Variants in TENM2 observed in about 807,000 individuals in gnomAD.
The protein encoded by TENM2 is teneurin transmembrane protein 2.
Under a neutral mutation model 245.2 loss-of-function variants are expected in TENM2, and 52 were observed. That is an observed-to-expected ratio of 0.21 (90% CI 0.17 to 0.27). The LOEUF (loss-of-function observed/expected upper bound fraction) is 0.27. Among genes scored for constraint, TENM2 ranks in the 10% least tolerant of loss-of-function variants. TENM2 has a pLI of 1.00. For synonymous variants in TENM2, 1,363 were observed against 1,438.9 expected, an observed-to-expected ratio of 0.95 and a Z score of 1.19; for missense variants, 3,046 against 3,666.8, an observed-to-expected ratio of 0.83 and a Z score of 4.37.
chr5:167,647,492 G>A (rs573297324), intron 2 of TENM2, among the ~76,000 whole-genome samples: 16 of 152,090 alleles, frequency 1.1e-4, no homozygotes, highest in Admixed American at 3.9e-4. Flanking sequence ...GCGTGGTGGT[G>A]AGTGCCTGTA....
chr5:167,317,318 A>G (rs1337844380), intron 1 of TENM2, among the ~76,000 whole-genome samples: 2 of 151,452 alleles, frequency 1.3e-5, no homozygotes, highest in African/African-American at 4.9e-5. Flanking sequence ...TCCTTTCTCA[A>G]TTCTAAGTCA....
chr5:167,971,354 A>G (rs921164426), intron 4 of TENM2, among the ~76,000 whole-genome samples: 10 of 89,072 alleles, frequency 1.1e-4, no homozygotes, highest in African/African-American at 5.4e-4. Context: ...TCTGACCACT[A>G]CATTAGAAAA....
intron 2 of TENM2, among the ~76,000 whole-genome samples, chr5:167,836,909 G>A (rs1215073982): frequency 6.6e-6 from 1 of 152,102 alleles, no homozygotes; most frequent in Admixed American, 6.5e-5. Context: ...TCTGAGAGGA[G>A]GCACTGGAAA....
rs560160092 is a variant in TENM2, at chr5:168,013,683, G to A, written c.1186+20501G>A. ...AAATAGATGCAACAGCTACTTCTGG[G>A]AAATCTCTCTTACATACTTGTCCAG... On this transcript the variant is annotated intron_variant, in intron 5 of 28. Coordinates refer to ENST00000518659, the Ensembl canonical transcript of TENM2. Among the ~76,000 whole-genome samples, 13 of 152,330 alleles carry A rather than the reference G, an allele frequency of 8.5e-5. No individual in the cohort carries two copies. In the South Asian group the frequency reaches 2.3e-3, roughly 27 times the overall value.
At chr5:167,389,813 C>T (rs2127358997) in intron 2 of TENM2, among the ~76,000 whole-genome samples, 1 of 152,260 alleles carries the variant, frequency 6.6e-6, no homozygotes, top group Middle Eastern at 3.4e-3. Context: ...TGGGAATGAT[C>T]ATTAATATTT....
intron 9 of TENM2, among the ~76,000 whole-genome samples, chr5:168,116,618 G>A: frequency 6.6e-6 from 1 of 152,156 alleles, no homozygotes; most frequent in East Asian, 1.9e-4. Context: ...AGCCACCATT[G>A]ATAAACGTAG....
intron 12 of TENM2, among the ~76,000 whole-genome samples, chr5:168,142,073 A>T (rs1755599113): frequency 1.3e-5 from 2 of 152,234 alleles, no homozygotes; most frequent in African/African-American, 4.8e-5. Flanking sequence ...TGGTTTACGG[A>T]CATCCCAGAG....
chr5:168,251,561 G>A (rs893058984), intron 27 of TENM2, among the ~76,000 whole-genome samples: 1 of 152,166 alleles, frequency 6.6e-6, no homozygotes, highest in Admixed American at 6.5e-5. Context: ...CCTGGGAGTG[G>A]GGATCCAAGT....
At chr5:167,280,876 T>C (rs138150335), upstream of TENM2, among the ~76,000 whole-genome samples, 1 of 152,064 alleles carries the variant, frequency 6.6e-6, no homozygotes, top group Non-Finnish European at 1.5e-5. Flanking sequence ...ACCACTGTTG[T>C]TCCTTGGGTC....
intron 1 of TENM2, among the ~76,000 whole-genome samples, chr5:167,295,145 G>A (rs1003613099): frequency 2.6e-5 from 4 of 152,178 alleles, no homozygotes; most frequent in Admixed American, 2.6e-4. Flanking sequence ...GCTCTTTTTA[G>A]TGGCTTGTTT....
chr5:168,179,505 C>G (rs1759665602), intron 13 of TENM2, among the ~76,000 whole-genome samples: 2 of 152,296 alleles, frequency 1.3e-5, no homozygotes, highest in South Asian at 4.2e-4. Flanking sequence ...CATAAATCAC[C>G]CTGTACTAGG....
chr5:167,916,645 G>A (rs910706038), intron 3 of TENM2, among the ~76,000 whole-genome samples: 1 of 152,122 alleles, frequency 6.6e-6, no homozygotes, highest in African/African-American at 2.4e-5. Context: ...CGCATCTCCA[G>A]GAGTAGAGTT....
intron 2 of TENM2, among the ~76,000 whole-genome samples, chr5:167,660,720 G>T (rs926534585): frequency 6.6e-6 from 1 of 151,884 alleles, no homozygotes; most frequent in Admixed American, 6.6e-5. Flanking sequence ...TGTATTTCTG[G>T]AAATGCATGT....
At chr5:167,235,886 T>C in the TENM2 span, among the ~76,000 whole-genome samples, 1 of 152,198 alleles carries the variant, frequency 6.6e-6, no homozygotes, top group Non-Finnish European at 1.5e-5. Flanking sequence ...AGCAGTGGAA[T>C]GAATCTCATG....
the TENM2 span, among the ~76,000 whole-genome samples, chr5:167,274,681 T>TA: frequency 2.7e-5 from 4 of 150,874 alleles, no homozygotes; most frequent in South Asian, 2.1e-4. Context: ...TTTTGTCATT[T>TA]AAAAAAAAAG....
chr5:168,032,150 C>G (rs1309784937), intron 5 of TENM2, among the ~76,000 whole-genome samples: 3 of 152,212 alleles, frequency 2.0e-5, no homozygotes, highest in Non-Finnish European at 4.4e-5. Flanking sequence ...TACTTAATCT[C>G]TCTCTCCCAT....
chr5:167,344,906 T>G (rs146050083), intron 1 of TENM2, among the ~76,000 whole-genome samples: 15 of 152,258 alleles, frequency 9.9e-5, no homozygotes, highest in Non-Finnish European at 1.6e-4. Flanking sequence ...AATGCCCATT[T>G]TGAGCTTCCA....
intron 2 of TENM2, among the ~76,000 whole-genome samples, chr5:167,490,637 A>T (rs1218309780): frequency 6.6e-6 from 1 of 152,124 alleles, no homozygotes; most frequent in Non-Finnish European, 1.5e-5. Flanking sequence ...ATTATTGATA[A>T]TTTTTCTAAA....
At chr5:168,068,755 A>G (rs781157294) in intron 7 of TENM2, among the ~76,000 whole-genome samples, 1 of 152,118 alleles carries the variant, frequency 6.6e-6, no homozygotes, top group Non-Finnish European at 1.5e-5. Flanking sequence ...GACTGGATAT[A>G]ATTCCACAAA....
Sources: gnomAD v4.1 joint callset for allele counts (sites outside exome capture counted in the v4.1 genomes callset) on GRCh38, gnomAD v4.1.1 for gene constraint, MANE v1.5 for transcripts, NCBI Gene and HGNC (gene_info 2026-07-23, HGNC 2026-07-21) for gene names.